OR52I2: variants seen among roughly 807,000 people sequenced by gnomAD.
OR52I2 encodes the protein olfactory receptor family 52 subfamily I member 2, also known as olfactory receptor 52I2.
For synonymous variants in OR52I2, 147 were observed against 151.9 expected (o/e 0.97, Z 0.24); for missense variants, 350 against 402.4 (o/e 0.87, Z 1.11).
At chr11:4,584,641 G>C (rs1846285333) in intron 1 of OR52I2, among the ~76,000 whole-genome samples, 1 of 152,032 alleles carries the variant, frequency 6.6e-6, no homozygotes, top group South Asian at 2.1e-4. Flanking sequence ...TCACAGGTAT[G>C]ATGAAGAAAC....
Position 4,588,951 on chromosome 11 carries a change from G to A in OR52I2, c.*1086G>A, listed in dbSNP as rs376960090. Reference sequence around the variant, plus strand: ...AAAAGAGCATTTGTTATGATGCCTGGCACTTAGTGAACTTTCACAAATCCT... The same window carrying A: ...AAAAGAGCATTTGTTATGATGCCTGACACTTAGTGAACTTTCACAAATCCT... On this transcript the variant is annotated 3_prime_UTR_variant, in exon 2 of 2. Transcript: ENST00000641896. 5 of 152,222 alleles carry A rather than the reference G, an allele frequency of 3.3e-5. No individual in the cohort carries two copies. The East Asian group carries it at 7.7e-4, about 23-fold the overall frequency. 9.4% of individuals were successfully genotyped at this position (152,222 alleles called of 1,614,324 possible).
At chr11:4,588,685 G>C (rs1019609943) in exon 2 of OR52I2, 3 of 152,224 alleles carry the variant, frequency 2.0e-5, no homozygotes, top group African/African-American at 7.2e-5. Flanking sequence ...AGTGAAACCT[G>C]GCCCGAGTCC....
intron 1 of OR52I2, among the ~76,000 whole-genome samples, 190 bp downstream of exon 1, chr11:4,582,054 G>T (rs1250449061): frequency 6.6e-6 from 1 of 152,350 alleles, no homozygotes; most frequent in Non-Finnish European, 1.5e-5. Flanking sequence ...GATGAGGGAG[G>T]TGGAGAGGGA....
At chr11:4,584,967 T>C (rs889662933) in intron 1 of OR52I2, among the ~76,000 whole-genome samples, 4 of 152,222 alleles carry the variant, frequency 2.6e-5, no homozygotes, top group African/African-American at 9.6e-5. Flanking sequence ...CTACATTTTA[T>C]TGAGCACCTA....
At chr11:4,587,206 T>C (rs760705037) in exon 2 of OR52I2, 2 of 1,614,120 alleles carry the variant, frequency 1.2e-6, no homozygotes. Context: ...CACTCAGATG[T>C]TTTTTGTCCA....
exon 2 of OR52I2, chr11:4,587,032 A>C (rs12793957): frequency 0.28 from 396,318 of 1,427,964 alleles, 52,666 homozygotes; most frequent in Non-Finnish European, 0.32. Flanking sequence ...AGGAAACACC[A>C]TCATCGTGAC....
At chr11:4,590,396 T>C (rs994759555) in exon 2 of OR52I2, 1 of 152,172 alleles carries the variant, frequency 6.6e-6, no homozygotes, top group Admixed American at 6.5e-5. Flanking sequence ...GAAATAAATA[T>C]TTGTAGAAAG....
Position 4,586,981 on chromosome 11 carries a change from C to T in OR52I2, c.91C>T (p.Leu31=). Residue 31 remains leucine (L), a synonymous_variant, in exon 2 of 2, where the codon CTG becomes TTG. Transcript: ENST00000641896. ...AGGACTGCAATCTTCACATCTTTGG[C>T]TGGCTATCTCACTGAGTGCCATGTA... The T allele has an allele frequency of 3.1e-6, 5 of 1,614,208 alleles. No individual in the cohort carries two copies. The South Asian group carries it at 3.3e-5, about 11-fold the overall frequency.
At chr11:4,582,245 G>A (rs1014037042) in intron 1 of OR52I2, among the ~76,000 whole-genome samples, 1 of 151,968 alleles carries the variant, frequency 6.6e-6, no homozygotes, top group Non-Finnish European at 1.5e-5. Context: ...GCACAGGGTT[G>A]TCATAAAGGG....
intron 1 of OR52I2, among the ~76,000 whole-genome samples, chr11:4,583,357 C>T (rs1359362474): frequency 6.6e-6 from 1 of 152,080 alleles, no homozygotes; most frequent in Non-Finnish European, 1.5e-5. Context: ...AGGCAAGCAT[C>T]AGCTGAGGCT....
intron 1 of OR52I2, 135 bp downstream of exon 1, chr11:4,581,999 TC>T (rs1267135708): frequency 6.6e-6 from 1 of 152,144 alleles, no homozygotes; most frequent in East Asian, 1.9e-4. Flanking sequence ...GCTGTCTAGG[TC>T]TGGTGGTATA....
exon 2 of OR52I2, chr11:4,587,206 T>G (rs760705037): frequency 6.2e-6 from 10 of 1,614,120 alleles, no homozygotes; most frequent in Non-Finnish European, 8.5e-6. Flanking sequence ...CACTCAGATG[T>G]TTTTTGTCCA....
exon 2 of OR52I2, chr11:4,588,983 C>A (rs1253253896): frequency 6.6e-6 from 1 of 152,200 alleles, no homozygotes; most frequent in Non-Finnish European, 1.5e-5. Context: ...TCCTACCTAT[C>A]ATGGTTTTTT....
At chr11:4,590,847 T>A (rs1273614115) in exon 2 of OR52I2, 1 of 152,196 alleles carries the variant, frequency 6.6e-6, no homozygotes, top group Non-Finnish European at 1.5e-5. Flanking sequence ...TCTCACCCAG[T>A]AGCTACACAG....
intron 1 of OR52I2, 89 bp from the exon 2 acceptor site, chr11:4,586,783 G>T: frequency 6.3e-7 from 1 of 1,588,336 alleles, no homozygotes; most frequent in South Asian, 1.1e-5. Context: ...CCACCAAGCT[G>T]AGAATATCCT....
chr11:4,587,434 T>G, exon 2 of OR52I2: 1 of 1,614,190 alleles, frequency 6.2e-7, no homozygotes, highest in East Asian at 2.2e-5. Flanking sequence ...TGTCCACTCC[T>G]ACTGTGAGCA....
chr11:4,588,218 C>T, exon 2 of OR52I2: 1 of 251,254 alleles, frequency 4.0e-6, no homozygotes, highest in South Asian at 7.3e-5. Context: ...ACAAAGACCG[C>T]TCACCATTCT....
At chr11:4,587,296 T>C (rs779312823) in exon 2 of OR52I2, 18 of 1,613,672 alleles carry the variant, frequency 1.1e-5, no homozygotes, top group Non-Finnish European at 8.5e-7. Flanking sequence ...GCCTCTACAC[T>C]ACAAGAGAAT....
chr11:4,583,603 G>A (rs78665286), intron 1 of OR52I2, among the ~76,000 whole-genome samples: 5,723 of 152,204 alleles, frequency 0.038, 139 homozygotes, highest in Non-Finnish European at 0.061. Flanking sequence ...ATCTTCTTGT[G>A]ATCCATCACT....
Sources: allele counts gnomAD v4.1 joint callset (sites outside exome capture counted in the v4.1 genomes callset), GRCh38; gene constraint gnomAD v4.1.1; transcripts MANE v1.5; gene names NCBI Gene and HGNC (gene_info 2026-07-23, HGNC 2026-07-21).